MB21D2: variants seen among roughly 807,000 people sequenced by gnomAD.
MB21D2 encodes the protein nucleotidyltransferase MB21D2.
Under a neutral mutation model 33.3 loss-of-function variants are expected in MB21D2, and 9 were observed. The ratio of observed to expected loss-of-function variants is 0.27; its 90% CI spans 0.16 to 0.47. MB21D2 has a LOEUF of 0.47. Ranked by LOEUF, MB21D2 falls within the 20% of genes least tolerant of loss-of-function variation. The pLI, the probability that MB21D2 is intolerant of heterozygous loss-of-function variation, is 0.99. For synonymous variants in MB21D2, 241 were observed against 236.3 expected, an observed-to-expected ratio of 1.02 and a Z score of -0.18; for missense variants, 540 against 624.6, an observed-to-expected ratio of 0.86 and a Z score of 1.44.
intron 1 of MB21D2, among the ~76,000 whole-genome samples, chr3:192,820,987 C>T (rs189838769): frequency 2.6e-5 from 4 of 152,166 alleles, no homozygotes; most frequent in Non-Finnish European, 4.4e-5. Flanking sequence ...AGGCTAGTCC[C>T]GAACTCCTGG....
chr3:192,898,418 A>C (rs1461224905), intron 1 of MB21D2, among the ~76,000 whole-genome samples: 1 of 152,114 alleles, frequency 6.6e-6, no homozygotes, highest in Non-Finnish European at 1.5e-5. Flanking sequence ...TGGACTAGAC[A>C]ATTTCAAAAG....
At chr3:192,855,365 G>A (rs1357996907) in intron 1 of MB21D2, among the ~76,000 whole-genome samples, 2 of 152,188 alleles carry the variant, frequency 1.3e-5, no homozygotes, top group African/African-American at 2.4e-5. Context: ...CCAAAGTGCT[G>A]TGATTACAGG....
intron 1 of MB21D2, among the ~76,000 whole-genome samples, chr3:192,885,291 G>A (rs886897555): frequency 2.0e-5 from 3 of 152,042 alleles, no homozygotes; most frequent in African/African-American, 4.8e-5. Flanking sequence ...TTCTGTCAAC[G>A]TGGCTTAATT....
chr3:192,870,604 C>T (rs922683323), intron 1 of MB21D2, among the ~76,000 whole-genome samples: 15 of 148,036 alleles, frequency 1.0e-4, no homozygotes, highest in African/African-American at 3.8e-4. Context: ...AGCCTGTAAT[C>T]CCAGGCTGAG....
At chr3:192,845,520 AAG>A in intron 1 of MB21D2, among the ~76,000 whole-genome samples, 1 of 152,216 alleles carries the variant, frequency 6.6e-6, no homozygotes, top group African/African-American at 2.4e-5. Context: ...CACAAGACCG[AAG>A]AGTCACAAAG....
chr3:192,828,724 C>T (rs1261808221), intron 1 of MB21D2, among the ~76,000 whole-genome samples: 3 of 146,672 alleles, frequency 2.0e-5, no homozygotes, highest in Non-Finnish European at 4.5e-5. Context: ...TCTCGGCTCA[C>T]TGCAGGCTGC....
rs1711506634 is a variant in MB21D2, at chr3:192,799,273, A to C, written c.589T>G (p.Ser197Ala). 1.2e-6 allele frequency: 2 copies of C among 1,614,050 alleles called. No individual in the cohort carries two copies. Among genetic ancestry groups the C allele is most frequent in the Admixed American group, 1.7e-5 (1 of 60,006 alleles). Residue 197 changes from serine (S) to alanine (A), a missense_variant, in exon 2 of 2, where the codon TCA (serine) becomes GCA (alanine). Physicochemically the swap from Ser to Ala is moderately conservative, Grantham distance 99. Transcript: ENST00000392452. This position sits in a 1 kb window ranked among gnomAD's most constrained non-coding sequence, Gnocchi z 4.1. Reference protein sequence around the residue: ...WFYDSISIVLSEIQKKPQRGM... With the variant: ...WFYDSISIVLAEIQKKPQRGM... ...CGCTGGGGTTTCTTCTGTATTTCTG[A>C]TAGGACAATGCTGATAGAGTCATAG... is the stretch of plus-strand genomic sequence containing the variant.
At chr3:192,894,699 ATCTCCGT>A (rs1466379647) in intron 1 of MB21D2, among the ~76,000 whole-genome samples, 1 of 152,054 alleles carries the variant, frequency 6.6e-6, no homozygotes, top group Non-Finnish European at 1.5e-5. Context: ...CTAGAGATGA[ATCTCCGT>A]CCCTCCACCT....
Position 192,810,107 on chromosome 3 carries a change from T to A in MB21D2, c.212-10457A>T, listed in dbSNP as rs1437294851. On this transcript the variant is annotated intron_variant, in intron 1 of 1. Transcript: ENST00000392452. ...ACAAGGCCAGAAACTTTTATTGAAC[T>A]CTAATGGAAGAAAGTCTTTTCCCTT... is the stretch of plus-strand genomic sequence containing the variant. Among the ~76,000 whole-genome samples the A allele has an allele frequency of 2.0e-5, 3 of 152,168 alleles. No homozygotes were observed. The East Asian group carries it at 5.8e-4, about 29-fold the overall frequency.
At chr3:192,825,561 C>A (rs1337564467) in intron 1 of MB21D2, among the ~76,000 whole-genome samples, 1 of 152,194 alleles carries the variant, frequency 6.6e-6, no homozygotes, top group Non-Finnish European at 1.5e-5. Context: ...CCAGCCCACA[C>A]AATCTGCAAG....
chr3:192,916,796 G>A (rs997375774), intron 1 of MB21D2, among the ~76,000 whole-genome samples: 2 of 152,130 alleles, frequency 1.3e-5, no homozygotes, highest in East Asian at 3.9e-4. Context: ...GTGGGAGTGG[G>A]GGACACATTT....
At chr3:192,815,195 G>A (rs1261844316) in intron 1 of MB21D2, among the ~76,000 whole-genome samples, 1 of 152,194 alleles carries the variant, frequency 6.6e-6, no homozygotes, top group Non-Finnish European at 1.5e-5. Context: ...TGAATAAATT[G>A]GAGCTTACTG....
intron 1 of MB21D2, among the ~76,000 whole-genome samples, chr3:192,871,318 T>C (rs1202788263): frequency 6.6e-6 from 1 of 152,176 alleles, no homozygotes; most frequent in Non-Finnish European, 1.5e-5. Flanking sequence ...ATTTAGGGGT[T>C]GATGGACCTA....
At chr3:192,912,684 G>A (rs1394531082) in intron 1 of MB21D2, among the ~76,000 whole-genome samples, 9 of 151,600 alleles carry the variant, frequency 5.9e-5, no homozygotes, top group African/African-American at 2.2e-4. Flanking sequence ...AAAAAAAAAA[G>A]AAAAAAGAAA....
intron 1 of MB21D2, among the ~76,000 whole-genome samples, chr3:192,893,459 A>T (rs1463668801): frequency 1.3e-5 from 2 of 152,150 alleles, no homozygotes; most frequent in Non-Finnish European, 2.9e-5. Context: ...TAATTTCCTC[A>T]ATTTATAGTT....
At chr3:192,804,904 G>C (rs1162058098) in intron 1 of MB21D2, among the ~76,000 whole-genome samples, 1 of 152,166 alleles carries the variant, frequency 6.6e-6, no homozygotes, top group Non-Finnish European at 1.5e-5. Context: ...CTTTTTCTAA[G>C]AAAGTCACTA....
At chr3:192,885,206 A>ACCC (rs1261551671) in intron 1 of MB21D2, among the ~76,000 whole-genome samples, 1 of 152,158 alleles carries the variant, frequency 6.6e-6, no homozygotes, top group African/African-American at 2.4e-5. Flanking sequence ...AACATCCACA[A>ACCC]CTAAGAGATC....
intron 1 of MB21D2, among the ~76,000 whole-genome samples, chr3:192,822,886 C>T (rs1712091385): frequency 6.6e-6 from 1 of 152,150 alleles, no homozygotes. Context: ...CTCCGACACC[C>T]TGGTATCAGT....
At chr3:192,890,736 G>A (rs1178966487) in intron 1 of MB21D2, among the ~76,000 whole-genome samples, 4 of 151,926 alleles carry the variant, frequency 2.6e-5, no homozygotes, top group African/African-American at 9.7e-5. Context: ...ACAAATTTCG[G>A]CAAAAATGAT....
Sources: allele counts gnomAD v4.1 joint callset (sites outside exome capture counted in the v4.1 genomes callset), GRCh38; gene constraint gnomAD v4.1.1; non-coding constraint Gnocchi (gnomAD v3.1); transcripts MANE v1.5; gene names NCBI Gene and HGNC (gene_info 2026-07-23, HGNC 2026-07-21).